The following MORC1 variants were observed in gnomAD, a reference collection of about 807,000 sequenced individuals.
The protein encoded by MORC1 is MORC family CW-type zinc finger 1.
In MORC1, 59 loss-of-function variants were observed where a neutral mutation model predicts 134.9. The ratio of observed to expected loss-of-function variants is 0.44; its 90% CI spans 0.35 to 0.54. The LOEUF is 0.54. Ranked by LOEUF, MORC1 falls within the 20% of genes least tolerant of loss-of-function variation. The pLI, the probability that MORC1 is intolerant of heterozygous loss-of-function variation, is 0.00. For missense variants in MORC1, 947 were observed against 1,134.5 expected (o/e 0.83, Z 2.37); for synonymous variants, 395 against 391.7 (o/e 1.01, Z -0.10).
At position 108,984,740 on chromosome 3, in the gene MORC1, C is replaced by T. The variant is rs2290057; in HGVS notation, c.2300G>A (p.Ser767Asn). ...CCTTTTCCAGCTAGGTAATGAAGAGCTTCTTTTCATTGCTAGAACATCATT... is the reference window on the plus strand; with the variant it reads ...CCTTTTCCAGCTAGGTAATGAAGAGTTTCTTTTCATTGCTAGAACATCATT... ...LCNDVLAMKR[S>N]SSLPSWKSLL... Residue 767 changes from serine (S) to asparagine (N), a missense_variant, in exon 23 of 28, where the codon AGC becomes AAC. Ser to Asn is a conservative substitution (Grantham distance 46). Transcript: ENST00000232603. The T allele has an allele frequency of 0.21, 334,731 of 1,604,906 alleles. 42,773 individuals carry two copies. Among genetic ancestry groups the T allele is most frequent in the East Asian group, 0.67 (29,280 of 43,968 alleles).
chr3:109,016,281 G>A (rs1948814245), intron 17 of MORC1, among the ~76,000 whole-genome samples: 1 of 151,984 alleles, frequency 6.6e-6, no homozygotes, highest in South Asian at 2.1e-4. Flanking sequence ...ATACTCTTCT[G>A]GACAATCTTT....
At chr3:109,064,457 T>C (rs891380383) in intron 9 of MORC1, among the ~76,000 whole-genome samples, 2 of 152,190 alleles carry the variant, frequency 1.3e-5, no homozygotes, top group African/African-American at 2.4e-5. Flanking sequence ...TACAGCATTT[T>C]GGGTGACTGG....
Position 109,107,216 on chromosome 3 carries a change from T to A in MORC1, c.155-3299A>T, listed in dbSNP as rs73853815. Among the ~76,000 whole-genome samples the A allele has an allele frequency of 6.5e-3, 991 of 152,336 alleles. 11 individuals carry two copies. Among genetic ancestry groups the A allele is most frequent in the African/African-American group, 0.023 (947 of 41,572 alleles). On this transcript the variant is annotated intron_variant, in intron 3 of 27. Coordinates refer to ENST00000232603, the MANE Select transcript of MORC1 (RefSeq NM_014429.4). ...TAGGAAGCCTTTCCTAATCCTTCCA[T>A]GTCATTAGTGCCCATAATTAATGAC... is the stretch of plus-strand genomic sequence containing the variant.
intron 17 of MORC1, among the ~76,000 whole-genome samples, chr3:109,025,215 T>C (rs1414208560): frequency 6.6e-6 from 1 of 152,072 alleles, no homozygotes; most frequent in African/African-American, 2.4e-5. Flanking sequence ...TTTAAGTGAC[T>C]GGTTCCATGA....
intron 2 of MORC1, 34 bp downstream of exon 2, chr3:109,114,350 C>A (rs1236450449): frequency 6.4e-7 from 1 of 1,556,852 alleles, no homozygotes; most frequent in Non-Finnish European, 8.8e-7. Context: ...TCATGAAATT[C>A]CCTCAGTAAC....
chr3:109,103,883 C>A lies in MORC1; in HGVS notation c.189G>T (p.Leu63Phe). Residue 63 changes from leucine (L) to phenylalanine (F), a missense_variant, in exon 4 of 28, where the codon TTG becomes TTT. This residue lies in a region of MORC1 where 214 missense variants were observed against 281.3 expected (regional missense o/e 0.76). Coordinates refer to ENST00000232603, the MANE Select transcript of MORC1 (RefSeq NM_014429.4). Reference protein sequence around the residue: ...DNEKLQGGFMLCFLDDGCGMS... With the variant: ...DNEKLQGGFMFCFLDDGCGMS... ...TGCCACATCCATCATCCAGGAAACA[C>A]AACATGAATCCCCCCTGCAGTTTTT... 2 of 1,614,016 alleles carry A rather than the reference C, an allele frequency of 1.2e-6. No homozygotes were observed. The highest frequency in any genetic ancestry group is 2.7e-5 in the African/African-American group (2 of 75,024).
rs528115986 is a variant in MORC1 at position 109,013,732 on chromosome 3, G to A, written c.1705-6641C>T. On this transcript the variant is annotated intron_variant, in intron 17 of 27. Coordinates refer to ENST00000232603, the MANE Select transcript of MORC1 (RefSeq NM_014429.4). ...TATACATCTATGCTATGGCTTGAAT[G>A]TGTCCCCCCAAAAGCATGTACTGGA... Among the ~76,000 whole-genome samples, 9 of 152,292 alleles carry A rather than the reference G, an allele frequency of 5.9e-5. No homozygotes were observed. The East Asian group carries it at 1.7e-3, about 29-fold the overall frequency.
intron 20 of MORC1, among the ~76,000 whole-genome samples, chr3:109,002,709 T>C (rs1948436897): frequency 6.6e-6 from 1 of 152,122 alleles, no homozygotes; most frequent in Non-Finnish European, 1.5e-5. Flanking sequence ...TCTACTAACC[T>C]TTCTTCTATA....
chr3:108,977,325 G>T (rs571250033), intron 24 of MORC1, among the ~76,000 whole-genome samples: 13 of 152,272 alleles, frequency 8.5e-5, no homozygotes, highest in African/African-American at 3.1e-4. Flanking sequence ...TAAGTGGGTG[G>T]ATGCCTGAAA....
chr3:108,971,283 C>T lies in MORC1; in HGVS notation c.2550+47G>A, dbSNP rs781194121. 41 of 1,532,322 alleles carry T rather than the reference C, an allele frequency of 2.7e-5. 1 individual carries two copies. The highest frequency in any genetic ancestry group is 3.6e-5 in the Non-Finnish European group (40 of 1,108,314). The allele number at this position is 1,532,322 out of a possible 1,614,324, so 94.9% of individuals were successfully genotyped here. On this transcript the variant is annotated intron_variant, in intron 25 of 27. Transcript: ENST00000232603. The stretch of plus-strand genomic sequence containing the variant: ...CTTTACATTTTTCTTCACTGAGATT[C>T]AGGCTATTCTATCATTCCCTCACAG...
At chr3:109,063,386 T>C (rs1950126630) in intron 9 of MORC1, among the ~76,000 whole-genome samples, 155 bp from the exon 10 acceptor site, 1 of 152,206 alleles carries the variant, frequency 6.6e-6, no homozygotes, top group African/African-American at 2.4e-5. Flanking sequence ...TAGCAAACTT[T>C]ATACCTAAGT....
chr3:109,087,497 AC>A (rs1950636017), intron 8 of MORC1, among the ~76,000 whole-genome samples: 1 of 152,158 alleles, frequency 6.6e-6, no homozygotes, highest in Non-Finnish European at 1.5e-5. Flanking sequence ...AGAATAAAAT[AC>A]CTAGAAATAT....
intron 14 of MORC1, among the ~76,000 whole-genome samples, chr3:109,040,485 A>AAAGAAAGGAAGGAAGGAAGG (rs61499269): frequency 8.7e-6 from 1 of 114,528 alleles, no homozygotes; most frequent in South Asian, 3.1e-4. Context: ...AGAAAGAAAG[A>AAAGAAAGGAAGGAAGGAAGG]AAGGAAAGAA....
intron 18 of MORC1, 68 bp downstream of exon 18, chr3:109,006,961 T>C (rs1043841052): frequency 4.0e-5 from 54 of 1,340,808 alleles, no homozygotes; most frequent in Middle Eastern, 1.8e-4. Context: ...AGTTGGCCCT[T>C]GATAAGGCTT....
At chr3:109,062,186 G>C (rs919016186) in intron 10 of MORC1, 128 bp from the exon 11 acceptor site, 36 of 776,364 alleles carry the variant, frequency 4.6e-5, no homozygotes, top group Admixed American at 3.0e-4. Flanking sequence ...AAAACCCTAT[G>C]TTCCTCTTAT....
At chr3:108,959,189 C>G (rs938212892) in intron 27 of MORC1, 69 bp from the exon 28 acceptor site, 24 of 1,370,474 alleles carry the variant, frequency 1.8e-5, no homozygotes, top group Non-Finnish European at 2.3e-5. Flanking sequence ...ATTTGGGCAG[C>G]CTCCTAACAG....
At chr3:108,997,188 A>C (rs1948257665) in intron 21 of MORC1, among the ~76,000 whole-genome samples, 1 of 152,104 alleles carries the variant, frequency 6.6e-6, no homozygotes, top group African/African-American at 2.4e-5. Flanking sequence ...TCAGAAAATA[A>C]GGATTGTCCC....
chr3:108,980,007 G>C (rs895188326), intron 23 of MORC1, among the ~76,000 whole-genome samples: 1 of 151,974 alleles, frequency 6.6e-6, no homozygotes, highest in African/African-American at 2.4e-5. Flanking sequence ...TTTTTTGTAA[G>C]CCTCATGGTA....
chr3:109,029,817 G>C (rs1189511468), intron 16 of MORC1, among the ~76,000 whole-genome samples: 1 of 152,174 alleles, frequency 6.6e-6, no homozygotes, highest in African/African-American at 2.4e-5. Flanking sequence ...TCCTGAAATG[G>C]AGAAGGATGC....
Sources: gnomAD v4.1 joint callset for allele counts (sites outside exome capture counted in the v4.1 genomes callset) on GRCh38, gnomAD v4.1.1 for gene constraint, gnomAD v4.1.1 regional missense constraint, MANE v1.5 for transcripts, NCBI Gene and HGNC (gene_info 2026-07-23, HGNC 2026-07-21) for gene names.